Variants in TMEM80 observed in about 807,000 individuals in gnomAD.
TMEM80 encodes transmembrane protein 80.
TMEM80 carries 16 observed loss-of-function variants against 13.6 expected under a neutral mutation model. The ratio of observed to expected loss-of-function variants is 1.17; its 90% CI spans 0.79 to 1.78. The LOEUF (loss-of-function observed/expected upper bound fraction) is 1.78, where lower values mean the gene tolerates loss of function less well. Among genes scored for constraint, TMEM80 ranks in the 40% most tolerant of loss-of-function variants. TMEM80 has a pLI of 0.00. For missense variants in TMEM80, 167 were observed against 184.6 expected, an observed-to-expected ratio of 0.90 and a Z score of 0.55; for synonymous variants, 92 against 89.5, an observed-to-expected ratio of 1.03 and a Z score of -0.16.
At chr11:698,921 C>G (rs1355241013) in intron 2 of TMEM80, 33 bp downstream of exon 2, 1 of 1,613,804 alleles carries the variant, frequency 6.2e-7, no homozygotes, top group South Asian at 1.1e-5. Flanking sequence ...AGGACAGCAC[C>G]CAGAGGCCCG....
rs1035508734 is a variant in TMEM80 at position 703,203 on chromosome 11, G to A, written c.*53G>A. ...GGGGCCCTCCTCCTGGGCCTGACCAGTCCCCCAGCTGTCACCTCCCCATTC... is the reference window on the plus strand; with the variant it reads ...GGGGCCCTCCTCCTGGGCCTGACCAATCCCCCAGCTGTCACCTCCCCATTC... On this transcript the variant is annotated 3_prime_UTR_variant, in exon 5 of 5. Coordinates refer to ENST00000397510, the MANE Select transcript of TMEM80 (RefSeq NM_001042463.3). 6.5e-7 allele frequency: 1 copy of A among 1,532,812 alleles called. No individual in the cohort carries two copies. The highest frequency in any genetic ancestry group is 8.8e-7 in the Non-Finnish European group (1 of 1,133,646). The allele number at this position is 1,532,812 out of a possible 1,614,324, so 95.0% of individuals were successfully genotyped here. A position where few individuals can be genotyped will look rare whatever the true frequency, so the allele number is the denominator to read the frequency against.
intron 1 of TMEM80, among the ~76,000 whole-genome samples, chr11:698,320 G>A (rs1235051954): frequency 1.3e-5 from 2 of 152,158 alleles, no homozygotes; most frequent in African/African-American, 4.8e-5. Flanking sequence ...GGTGGGAGAA[G>A]GCCCAAGAGG....
chr11:702,934 C>T lies in TMEM80; in HGVS notation c.227-11C>T. ...CGCACCACCTTCCCTCCCCTTTGCT[C>T]TGTTCTCCAGGCACCAGGGGCAACC... is the stretch of plus-strand genomic sequence containing the variant. On this transcript the variant is annotated splice_polypyrimidine_tract_variant and intron_variant, in intron 4 of 4. Transcript: ENST00000397510. 6.3e-7 allele frequency: 1 copy of T among 1,599,000 alleles called. No individual in the cohort carries two copies. Among genetic ancestry groups the T allele is most frequent in the African/African-American group, 1.3e-5 (1 of 74,812 alleles).
At position 698,859 on chromosome 11, in the gene TMEM80, T is replaced by C; in HGVS notation, c.20-10T>C. The C allele has an allele frequency of 6.2e-7, 1 of 1,614,094 alleles. No individual in the cohort carries two copies. The highest frequency in any genetic ancestry group is 8.5e-7 in the Non-Finnish European group (1 of 1,180,008). ...TGTCAGGCCTTGCTCACGGCCCCTT[T>C]CTCTTTCAGGGAGAGGATCCTCCAC... is the stretch of plus-strand genomic sequence containing the variant. On this transcript the variant is annotated splice_polypyrimidine_tract_variant and intron_variant, in intron 1 of 4. Transcript: ENST00000397510.
chr11:701,577 AT>A (rs1564962942), intron 4 of TMEM80, among the ~76,000 whole-genome samples: 1 of 151,624 alleles, frequency 6.6e-6, no homozygotes, highest in Non-Finnish European at 1.5e-5. Context: ...CGCCCGGCTC[AT>A]TTTTGTATTT....
At chr11:699,933 C>A (rs1021221628) in intron 2 of TMEM80, 2 of 553,906 alleles carry the variant, frequency 3.6e-6, no homozygotes, top group South Asian at 4.1e-5. Context: ...GGAGGGGGGT[C>A]CCACAAAGGC....
At chr11:704,360 C>T, downstream of TMEM80, 4 of 1,030,252 alleles carry the variant, frequency 3.9e-6, no homozygotes, top group Non-Finnish European at 5.3e-6. Context: ...CCTGGACAGT[C>T]TTTCCTGCCT....
intron 2 of TMEM80, 133 bp downstream of exon 2, chr11:699,021 T>G (rs1861326146): frequency 1.9e-6 from 2 of 1,070,082 alleles, no homozygotes; most frequent in East Asian, 4.8e-5. Context: ...GGGGTGTTCC[T>G]TGACAGATTT....
chr11:700,587 A>G, intron 3 of TMEM80, 28 bp from the exon 4 acceptor site: 2 of 1,588,864 alleles, frequency 1.3e-6, no homozygotes, highest in Non-Finnish European at 8.6e-7. Context: ...CAGGTTACTT[A>G]TGTTCCGTCC....
At chr11:704,942 C>A, downstream of TMEM80, 1 of 342,422 alleles carries the variant, frequency 2.9e-6, no homozygotes, top group Non-Finnish European at 5.7e-6. Context: ...GCGTGTGTGA[C>A]CCTGAGCTCT....
rs1396430669 is a variant in TMEM80 at position 700,711 on chromosome 11, A to G, written c.226+4A>G. ...GAAGCAGTTCGGTTATACCTGGGTG[A>G]GTGGACTGTTAACACCGTGAAGAAC... On this transcript the variant is annotated splice_donor_region_variant and intron_variant, in intron 4 of 4. Transcript: ENST00000397510. The G allele has an allele frequency of 6.2e-7, 1 of 1,612,682 alleles. No individual in the cohort carries two copies. The highest frequency in any genetic ancestry group is 8.5e-7 in the Non-Finnish European group (1 of 1,178,832).
At chr11:695,697 G>A, upstream of TMEM80, 1 of 1,242,568 alleles carries the variant, frequency 8.0e-7, no homozygotes, top group South Asian at 3.8e-5. Context: ...GCCGTGGCTC[G>A]GACGTCCGCT....
At chr11:699,218 A>AT (rs1283702253) in intron 2 of TMEM80, 3 of 415,562 alleles carry the variant, frequency 7.2e-6, no homozygotes, top group Non-Finnish European at 1.3e-5. Flanking sequence ...ATTTTATTTT[A>AT]TTTTTGTTTG....
At chr11:701,552 A>T (rs1234269760) in intron 4 of TMEM80, among the ~76,000 whole-genome samples, 2 of 151,906 alleles carry the variant, frequency 1.3e-5, no homozygotes, top group Non-Finnish European at 2.9e-5. Flanking sequence ...CTGGGACTAC[A>T]GGTGCCCGCC....
chr11:702,616 T>A (rs1376351015), intron 4 of TMEM80, among the ~76,000 whole-genome samples: 2 of 152,254 alleles, frequency 1.3e-5, no homozygotes, highest in Non-Finnish European at 2.9e-5. Context: ...CACTTGGAAT[T>A]AGGAAAACGT....
Position 703,311 on chromosome 11 carries a change from G to A in TMEM80, c.*161G>A. The stretch of plus-strand genomic sequence containing the variant: ...ATCTGTTCTGGCAGGAGTGGGAGCA[G>A]GAGCCAGGGCAGAACAAACTGCTGG... On this transcript the variant is annotated 3_prime_UTR_variant, in exon 5 of 5. Transcript: ENST00000397510. The A allele has an allele frequency of 7.0e-7, 1 of 1,423,660 alleles. No individual in the cohort carries two copies. 88.2% of individuals were successfully genotyped at this position (1,423,660 alleles called of 1,614,324 possible).
rs144509884 is a variant in TMEM80, at chr11:703,546, C to T, written c.*396C>T. 65 of 1,234,298 alleles carry T rather than the reference C, an allele frequency of 5.3e-5. No individual in the cohort carries two copies. In the South Asian group the frequency reaches 5.3e-4, roughly 10 times the overall value. 76.5% of individuals were successfully genotyped at this position (1,234,298 alleles called of 1,614,324 possible). A position where few individuals can be genotyped will look rare whatever the true frequency, so the allele number is the denominator to read the frequency against. ...CATCTCACTGCATCCCCCATCACCCCCTAGTTCCCCAATGGTCCTAATTTG... is the reference window on the plus strand; with the variant it reads ...CATCTCACTGCATCCCCCATCACCCTCTAGTTCCCCAATGGTCCTAATTTG... On this transcript the variant is annotated 3_prime_UTR_variant, in exon 5 of 5. Transcript: ENST00000397510.
At chr11:704,607 C>A (rs762273635), downstream of TMEM80, 107 of 1,289,236 alleles carry the variant, frequency 8.3e-5, no homozygotes, top group South Asian at 1.1e-3. Context: ...AGGGAAGGAC[C>A]CCCTCCCTGA....
chr11:702,911 C>A (rs543097006), intron 4 of TMEM80, 34 bp from the exon 5 acceptor site: 2 of 1,552,250 alleles, frequency 1.3e-6, no homozygotes, highest in African/African-American at 2.7e-5. Context: ...GAGCGCCTCG[C>A]ACCACCTTCC....
Sources: allele counts gnomAD v4.1 joint callset (sites outside exome capture counted in the v4.1 genomes callset), GRCh38; gene constraint gnomAD v4.1.1; transcripts MANE v1.5; gene names NCBI Gene and HGNC (gene_info 2026-07-23, HGNC 2026-07-21).